Variants in ARNT observed in about 807,000 individuals in gnomAD.
The protein encoded by ARNT is class E basic helix-loop-helix protein 2.
In ARNT, 30 loss-of-function variants were observed where a neutral mutation model predicts 105.0. The ratio of observed to expected loss-of-function variants is 0.29; its 90% CI spans 0.21 to 0.39. The LOEUF (loss-of-function observed/expected upper bound fraction) is 0.39. ARNT is among the 10% of genes least tolerant of loss of function. The pLI, the probability that ARNT is intolerant of heterozygous loss-of-function variation, is 1.00. For synonymous variants in ARNT, 304 were observed against 344.0 expected, an observed-to-expected ratio of 0.88 and a Z score of 1.29; for missense variants, 748 against 978.7, an observed-to-expected ratio of 0.76 and a Z score of 3.15.
chr1:150,854,857 C>CA (rs769273005), intron 2 of ARNT, among the ~76,000 whole-genome samples: 6,459 of 30,526 alleles, frequency 0.21, 314 homozygotes, highest in Middle Eastern at 0.4. Flanking sequence ...AACTACATCT[C>CA]AAAAAAAAAA....
intron 12 of ARNT, among the ~76,000 whole-genome samples, chr1:150,827,111 A>G (rs1658448377): frequency 6.6e-6 from 1 of 152,218 alleles, no homozygotes; most frequent in African/African-American, 2.4e-5. Flanking sequence ...GAATCTGTTA[A>G]GGAGCTGGCT....
chr1:150,836,151 A>G (rs1181927635), intron 7 of ARNT, 129 bp downstream of exon 7: 1 of 801,434 alleles, frequency 1.2e-6, no homozygotes, highest in Non-Finnish European at 1.9e-6. Flanking sequence ...GACTATATTC[A>G]TTAAAGTAGA....
intron 1 of ARNT, among the ~76,000 whole-genome samples, chr1:150,860,786 G>A (rs960521353): frequency 5.9e-5 from 9 of 151,900 alleles, no homozygotes; most frequent in Non-Finnish European, 8.8e-5. Context: ...GAACCCAGGA[G>A]GCGGAGACTG....
chr1:150,866,712 C>T (rs1027938626), intron 1 of ARNT, among the ~76,000 whole-genome samples: 2 of 151,802 alleles, frequency 1.3e-5, no homozygotes, highest in Admixed American at 6.6e-5. Context: ...CACACACACA[C>T]GTATATTTGG....
chr1:150,867,601 A>G (rs1304149643), intron 1 of ARNT, among the ~76,000 whole-genome samples: 2 of 152,144 alleles, frequency 1.3e-5, no homozygotes, highest in Admixed American at 1.3e-4. Flanking sequence ...CAGGAATGAA[A>G]TTTTTGGAGT....
At chr1:150,846,990 C>T (rs1023834817) in intron 3 of ARNT, among the ~76,000 whole-genome samples, 1 of 152,174 alleles carries the variant, frequency 6.6e-6, no homozygotes, top group Non-Finnish European at 1.5e-5. Context: ...TATGTACATA[C>T]TACATTTTCT....
chr1:150,811,034 ACAT>A lies in ARNT; in HGVS notation c.*984_*986del, dbSNP rs1173891640. On this transcript the variant is annotated 3_prime_UTR_variant, in exon 22 of 22. Transcript: ENST00000358595. ...TGCAGAAATAACCTCTACAGAACAC[ACAT>A]CATATGTGATTCTGACAGAAAAATG... 4.3e-6 allele frequency: 1 copy of A among 231,488 alleles called. No individual in the cohort carries two copies. Among genetic ancestry groups the A allele is most frequent in the African/African-American group, 2.2e-5 (1 of 45,226 alleles). The allele number at this position is 231,488 out of a possible 1,614,324, so 14.3% of individuals were successfully genotyped here. A position where few individuals can be genotyped will look rare whatever the true frequency, so the allele number is the denominator to read the frequency against.
At chr1:150,816,443 T>C (rs374307636) in intron 18 of ARNT, 37 bp from the exon 19 acceptor site, 1 of 1,588,638 alleles carries the variant, frequency 6.3e-7, no homozygotes, top group South Asian at 1.1e-5. Flanking sequence ...ATTAAAAGGA[T>C]AGATTTATCA....
chr1:150,861,764 C>G (rs1212012092), intron 1 of ARNT, among the ~76,000 whole-genome samples: 5 of 152,168 alleles, frequency 3.3e-5, no homozygotes. Flanking sequence ...ACTATACAAA[C>G]AGTCCTGACT....
At position 150,861,604 on chromosome 1, in the gene ARNT, G is replaced by T. The variant is rs376658841; in HGVS notation, c.26-3144C>A. ...GGAGGAGGATCATTTGAGTCCAGAA[G>T]TTCAAGACCACCCTGGGCAACACAG... On this transcript the variant is annotated intron_variant, in intron 1 of 21. Coordinates refer to ENST00000358595, the MANE Select transcript of ARNT (RefSeq NM_001668.4). Among the ~76,000 whole-genome samples, 16 of 152,194 alleles carry T rather than the reference G, an allele frequency of 1.1e-4. No individual in the cohort carries two copies. The East Asian group carries it at 2.1e-3, about 20-fold the overall frequency.
At chr1:150,827,836 C>T (rs893067968) in intron 12 of ARNT, among the ~76,000 whole-genome samples, 2 of 152,134 alleles carry the variant, frequency 1.3e-5, no homozygotes, top group African/African-American at 4.8e-5. Context: ...ACATTTTCAC[C>T]AATACTTTTT....
chr1:150,840,857 T>C (rs1198839879), intron 5 of ARNT, among the ~76,000 whole-genome samples: 3 of 152,092 alleles, frequency 2.0e-5, no homozygotes, highest in Admixed American at 6.5e-5. Flanking sequence ...AGTTTCTCAG[T>C]GTCCTCCATG....
At chr1:150,867,867 G>T (rs1270238325) in intron 1 of ARNT, among the ~76,000 whole-genome samples, 1 of 152,068 alleles carries the variant, frequency 6.6e-6, no homozygotes, top group African/African-American at 2.4e-5. Context: ...GCCATGTGAA[G>T]ACATGCTTGC....
chr1:150,816,759 G>T (rs587739375), intron 18 of ARNT, 29 bp downstream of exon 18: 2 of 1,549,678 alleles, frequency 1.3e-6, no homozygotes, highest in Admixed American at 2.3e-5. Flanking sequence ...TCAGGGCCCT[G>T]TAAAGCAGCA....
intron 1 of ARNT, among the ~76,000 whole-genome samples, chr1:150,868,110 G>A (rs999950547): frequency 6.6e-6 from 1 of 151,998 alleles, no homozygotes; most frequent in Non-Finnish European, 1.5e-5. Flanking sequence ...AGAAAGGCAG[G>A]TAGGTGGGCA....
chr1:150,858,507 G>T, intron 1 of ARNT, 47 bp from the exon 2 acceptor site: 1 of 1,400,836 alleles, frequency 7.1e-7, no homozygotes, highest in Non-Finnish European at 9.9e-7. Context: ...GACAGTCCTT[G>T]CTTATCATCA....
At chr1:150,837,404 T>C (rs1180289860) in intron 6 of ARNT, among the ~76,000 whole-genome samples, 12 of 152,224 alleles carry the variant, frequency 7.9e-5, no homozygotes, top group African/African-American at 2.4e-4. Context: ...AGCATACATA[T>C]ATTTTTAATG....
At chr1:150,833,377 A>G (rs1363198046) in intron 8 of ARNT, among the ~76,000 whole-genome samples, 1 of 152,116 alleles carries the variant, frequency 6.6e-6, no homozygotes, top group African/African-American at 2.4e-5. Flanking sequence ...GTGGCAATCC[A>G]GCTACTCAGG....
intron 3 of ARNT, 116 bp from the exon 4 acceptor site, chr1:150,846,423 G>A (rs1425579518): frequency 2.1e-6 from 2 of 948,790 alleles, no homozygotes; most frequent in East Asian, 5.2e-5. Context: ...CAATGGAAAA[G>A]CATCACAAAG....
Sources: allele counts gnomAD v4.1 joint callset (sites outside exome capture counted in the v4.1 genomes callset), GRCh38; gene constraint gnomAD v4.1.1; transcripts MANE v1.5; gene names NCBI Gene and HGNC (gene_info 2026-07-23, HGNC 2026-07-21).